EMID1: variants seen among roughly 807,000 people sequenced by gnomAD.
EMID1 encodes the protein EMI domain-containing protein 1.
In EMID1, 40 loss-of-function variants were observed where a neutral mutation model predicts 60.6. That is an observed-to-expected ratio of 0.66 (90% confidence interval 0.51 to 0.86). EMID1 has a LOEUF of 0.86. Ranked by LOEUF, EMID1 falls within the 40% of genes least tolerant of loss-of-function variation. EMID1 has a pLI of 0.00. For missense variants in EMID1, 585 were observed against 597.1 expected (o/e 0.98, Z 0.21); for synonymous variants, 242 against 231.0 (o/e 1.05, Z -0.43).
chr22:29,235,253 CAGA>C (rs2040901768), intron 12 of EMID1, among the ~76,000 whole-genome samples: 1 of 149,310 alleles, frequency 6.7e-6, no homozygotes, highest in African/African-American at 2.5e-5. Context: ...GAGGCTGAGG[CAGA>C]AGAATTGCTT....
intron 3 of EMID1, among the ~76,000 whole-genome samples, chr22:29,223,991 C>A (rs2040399379): frequency 6.6e-6 from 1 of 152,228 alleles, no homozygotes. Flanking sequence ...CCAGGGAGTC[C>A]CCAGTGCCGG....
chr22:29,251,963 G>A (rs1040168035), intron 13 of EMID1, among the ~76,000 whole-genome samples: 2 of 151,988 alleles, frequency 1.3e-5, no homozygotes, highest in Non-Finnish European at 2.9e-5. Flanking sequence ...GACAGCTACC[G>A]TGCCCACTCT....
chr22:29,213,520 CT>C (rs1244872616), intron 1 of EMID1, among the ~76,000 whole-genome samples: 1 of 152,176 alleles, frequency 6.6e-6, no homozygotes, highest in African/African-American at 2.4e-5. Flanking sequence ...AGTTAGTTGC[CT>C]GGTCCTGGCC....
At chr22:29,214,857 A>G in intron 1 of EMID1, 69 bp from the exon 2 acceptor site, 1 of 1,155,434 alleles carries the variant, frequency 8.7e-7, no homozygotes, top group Non-Finnish European at 1.2e-6. Flanking sequence ...GTCCTCACCC[A>G]TCCTCCTGGA....
In EMID1 at chr22:29,217,037, G is replaced by A. The variant is rs564135814; in HGVS notation, c.319+1407G>A. Among the ~76,000 whole-genome samples the A allele has an allele frequency of 2.8e-4, 43 of 152,314 alleles. No homozygotes were observed. The East Asian group carries it at 7.1e-3, about 25-fold the overall frequency. ...GCCGAGGGGCAGGAGAGCCAGCCAG[G>A]AGGGGCAGCTGCCAAGGAGACCACA... On this transcript the variant is annotated intron_variant, in intron 3 of 14. Coordinates refer to ENST00000334018, the MANE Select transcript of EMID1 (RefSeq NM_133455.4).
intron 3 of EMID1, chr22:29,216,419 T>G: frequency 1.0e-6 from 1 of 985,452 alleles, no homozygotes; most frequent in Non-Finnish European, 1.2e-6. Flanking sequence ...GAGCTGTGTT[T>G]CCAAGCATGG....
chr22:29,236,229 A>G (rs1340823553), intron 12 of EMID1, among the ~76,000 whole-genome samples: 2 of 152,136 alleles, frequency 1.3e-5, no homozygotes, highest in African/African-American at 4.8e-5. Flanking sequence ...CCCTTTTTCT[A>G]TAAAACAAAT....
chr22:29,230,975 C>T (rs561937217), intron 5 of EMID1, 45 bp from the exon 6 acceptor site: 1 of 1,590,880 alleles, frequency 6.3e-7, no homozygotes, highest in Non-Finnish European at 8.6e-7. Context: ...GGGAGGGGTC[C>T]TAGTGAGACC....
intron 8 of EMID1, chr22:29,233,124 T>C: frequency 1.8e-6 from 1 of 546,940 alleles, no homozygotes; most frequent in South Asian, 2.4e-5. Context: ...CAGTACAGGC[T>C]CTGAAAAGTA....
At chr22:29,255,647 C>T (rs376085424) in intron 14 of EMID1, 6 of 296,440 alleles carry the variant, frequency 2.0e-5, no homozygotes, top group South Asian at 1.6e-4. Flanking sequence ...TCAGGAGAAC[C>T]CTGACACTGG....
At chr22:29,241,715 A>G (rs2041160476) in intron 12 of EMID1, among the ~76,000 whole-genome samples, 1 of 151,986 alleles carries the variant, frequency 6.6e-6, no homozygotes, top group Non-Finnish European at 1.5e-5. Flanking sequence ...TTTACATGCC[A>G]GGTTGGAACC....
chr22:29,239,164 AG>A (rs2041067471), intron 12 of EMID1, among the ~76,000 whole-genome samples: 1 of 144,738 alleles, frequency 6.9e-6, no homozygotes, highest in South Asian at 2.2e-4. Flanking sequence ...TCAGGCTTAG[AG>A]ATTCTTTCCT....
intron 6 of EMID1, 76 bp from the exon 7 acceptor site, chr22:29,231,517 T>C (rs1218346760): frequency 2.8e-6 from 4 of 1,453,474 alleles, no homozygotes; most frequent in Non-Finnish European, 3.8e-6. Flanking sequence ...TGGTAGATGC[T>C]GGTTGGGGGG....
At chr22:29,249,421 C>T (rs1196804735) in intron 13 of EMID1, among the ~76,000 whole-genome samples, 1 of 151,952 alleles carries the variant, frequency 6.6e-6, no homozygotes, top group East Asian at 1.9e-4. Flanking sequence ...CGTGCACGCA[C>T]ACCACCATGC....
intron 3 of EMID1, among the ~76,000 whole-genome samples, chr22:29,224,429 C>A (rs1009912082): frequency 6.6e-6 from 1 of 152,128 alleles, no homozygotes; most frequent in Admixed American, 6.5e-5. Flanking sequence ...ACCAGTCCCC[C>A]AAAACCAGAC....
chr22:29,227,989 C>G (rs1343013983), intron 5 of EMID1, among the ~76,000 whole-genome samples: 1 of 151,950 alleles, frequency 6.6e-6, no homozygotes, highest in Non-Finnish European at 1.5e-5. Flanking sequence ...AACCCCATCT[C>G]TACTAAAAAT....
intron 14 of EMID1, 124 bp downstream of exon 14, chr22:29,254,411 A>G: frequency 1.1e-6 from 1 of 913,452 alleles, no homozygotes; most frequent in South Asian, 1.4e-5. Context: ...TGCCCCAGGC[A>G]AGCATGGACC....
chr22:29,253,468 G>T (rs561952591), intron 13 of EMID1, among the ~76,000 whole-genome samples: 1 of 150,122 alleles, frequency 6.7e-6, no homozygotes, highest in South Asian at 2.1e-4. Flanking sequence ...TGTAATCCCA[G>T]CTACTTGGGA....
chr22:29,233,504 T>A, intron 9 of EMID1, 36 bp downstream of exon 9: 4 of 1,610,952 alleles, frequency 2.5e-6, no homozygotes, highest in Non-Finnish European at 2.5e-6. Context: ...AAGGGTGAAG[T>A]TGGTAGATGG....
Sources: gnomAD v4.1 joint callset for allele counts (sites outside exome capture counted in the v4.1 genomes callset) on GRCh38, gnomAD v4.1.1 for gene constraint, MANE v1.5 for transcripts, NCBI Gene and HGNC (gene_info 2026-07-23, HGNC 2026-07-21) for gene names.